The following ANO2 variants were observed in gnomAD, a reference collection of about 807,000 sequenced individuals.
ANO2 encodes the protein anoctamin 2.
A neutral mutation model predicts 124.2 loss-of-function variants in ANO2; 101 were observed. The observed-to-expected ratio is 0.81, with a 90% CI of 0.69 to 0.96. The LOEUF is 0.96. Ranked by LOEUF, ANO2 falls within the 40% of genes least tolerant of loss-of-function variation. The probability of loss-of-function intolerance (pLI) is 0.00; values close to 1 mark genes in which losing one functional copy is unlikely to be tolerated. For synonymous variants in ANO2, 486 were observed against 482.5 expected (o/e 1.01, Z -0.09); for missense variants, 1,293 against 1,274.5 (o/e 1.01, Z -0.22).
intron 15 of ANO2, among the ~76,000 whole-genome samples, chr12:5,642,480 T>C (rs952925696): frequency 6.6e-6 from 1 of 152,156 alleles, no homozygotes; most frequent in Non-Finnish European, 1.5e-5. Flanking sequence ...ATTCTTTCAG[T>C]CCACCTTCAA....
chr12:5,628,063 G>A (rs2136927492), intron 16 of ANO2, among the ~76,000 whole-genome samples: 1 of 152,306 alleles, frequency 6.6e-6, no homozygotes, highest in South Asian at 2.1e-4. Context: ...CCATGCCGCT[G>A]CACCCCAGTC....
In ANO2 at chr12:5,632,388, TG is replaced by T. The variant is rs1331561501; in HGVS notation, c.1816+2763del. Among the ~76,000 whole-genome samples the T allele has an allele frequency of 7.9e-5, 12 of 151,898 alleles. 1 individual carries two copies. Among genetic ancestry groups the T allele is most frequent in the Non-Finnish European group, 2.9e-5 (2 of 68,006 alleles). On this transcript the variant is annotated intron_variant, in intron 16 of 24. Coordinates refer to ENST00000682330, the MANE Select transcript of ANO2 (RefSeq NM_001364791.2). ...TAAAGTGAGCGTATAACACTGCCCT[TG>T]CTGGCCATGCAGTTTTTGTGAAGAT...
rs754783443 is a variant in ANO2 at position 5,922,788 on chromosome 12, A to G, written c.39T>C (p.Pro13=). 2.0e-6 allele frequency: 3 copies of G among 1,533,642 alleles called. No individual in the cohort carries two copies. The highest frequency in any genetic ancestry group is 2.6e-6 in the Non-Finnish European group (3 of 1,141,324). ...TPGPRDIPLL[P]GSPRRLSPQA... is the part of the protein sequence containing the mutation. ...GAGGGCTCAGCCGGCGTGGGGAGCC[A>G]GGGAGCAGGGGTATATCTGTGAGAG... Residue 13 remains proline (P), a synonymous_variant, in exon 2 of 25, where the codon CCT becomes CCC. Transcript: ENST00000682330.
chr12:5,628,687 T>C (rs1860956), intron 16 of ANO2, among the ~76,000 whole-genome samples: 84,322 of 145,818 alleles, frequency 0.58, 25,540 homozygotes, highest in Non-Finnish European at 0.67. Context: ...TGTGTGTGTG[T>C]GCGCGCGCGC....
At chr12:5,923,572 T>C (rs992993226) in intron 1 of ANO2, among the ~76,000 whole-genome samples, 1 of 152,162 alleles carries the variant, frequency 6.6e-6, no homozygotes, top group Non-Finnish European at 1.5e-5. Flanking sequence ...CAGTGTCCTT[T>C]CAGGGTCCTC....
At chr12:5,878,499 T>C (rs1048927969) in intron 3 of ANO2, among the ~76,000 whole-genome samples, 1 of 152,262 alleles carries the variant, frequency 6.6e-6, no homozygotes, top group African/African-American at 2.4e-5. Flanking sequence ...GATAAATTCA[T>C]TGATTCACTA....
chr12:5,814,813 T>A (rs1953551088), intron 7 of ANO2, among the ~76,000 whole-genome samples: 1 of 152,270 alleles, frequency 6.6e-6, no homozygotes, highest in South Asian at 2.1e-4. Context: ...ATCCATTTCC[T>A]AATTAAATTA....
intron 3 of ANO2, among the ~76,000 whole-genome samples, chr12:5,885,621 A>G (rs1394800474): frequency 2.0e-5 from 3 of 152,216 alleles, no homozygotes; most frequent in Non-Finnish European, 4.4e-5. Context: ...CAGAGTCAAG[A>G]TTTGAATCCA....
intron 14 of ANO2, among the ~76,000 whole-genome samples, chr12:5,693,516 C>A (rs755678128): frequency 6.6e-6 from 1 of 152,174 alleles, no homozygotes; most frequent in Non-Finnish European, 1.5e-5. Context: ...CCCGCCCCCA[C>A]GGTCTAGTCT....
rs868150690 is a variant in ANO2, at chr12:5,929,483, T to G, written c.23-6679A>C. Reference sequence around the variant, plus strand: ...GTCTTCCTTCCTTACTAGTCTATCTTCTTTCCTTACTCGTCTACCTTCTTT... The same window carrying G: ...GTCTTCCTTCCTTACTAGTCTATCTGCTTTCCTTACTCGTCTACCTTCTTT... On this transcript the variant is annotated intron_variant, in intron 1 of 24. Transcript: ENST00000682330. Among the ~76,000 whole-genome samples, 804 of 90,056 alleles carry G rather than the reference T, an allele frequency of 8.9e-3. 25 individuals carry two copies. Among genetic ancestry groups the G allele is most frequent in the African/African-American group, 0.036 (753 of 20,770 alleles). 59.1% of individuals were successfully genotyped at this position (90,056 alleles called of 152,430 possible).
intron 20 of ANO2, among the ~76,000 whole-genome samples, chr12:5,595,779 CA>C (rs1943630646): frequency 6.6e-6 from 1 of 152,168 alleles, no homozygotes; most frequent in Non-Finnish European, 1.5e-5. Context: ...CTAGAGGAAG[CA>C]CCGTGTAAAA....
chr12:5,626,147 G>T (rs1257970994), intron 16 of ANO2, among the ~76,000 whole-genome samples: 3 of 152,096 alleles, frequency 2.0e-5, no homozygotes, highest in African/African-American at 7.2e-5. Context: ...GCATCACTTG[G>T]GGTGGTGAGG....
At chr12:5,938,115 C>T (rs1027138196) in intron 1 of ANO2, among the ~76,000 whole-genome samples, 1 of 152,292 alleles carries the variant, frequency 6.6e-6, no homozygotes. Context: ...CACGAAGGGT[C>T]CCCAAAGAGC....
chr12:5,599,450 G>T (rs1943820869), intron 20 of ANO2, 34 bp downstream of exon 20: 2 of 1,574,692 alleles, frequency 1.3e-6, no homozygotes, highest in Non-Finnish European at 1.7e-6. Flanking sequence ...GTCTGAACCT[G>T]CCCCCAGTGG....
chr12:5,608,260 A>C (rs186787833), intron 19 of ANO2, among the ~76,000 whole-genome samples: 54 of 151,022 alleles, frequency 3.6e-4, no homozygotes, highest in African/African-American at 1.3e-3. Flanking sequence ...ATTTATTGAG[A>C]GTCGAAGATC....
intron 4 of ANO2, among the ~76,000 whole-genome samples, chr12:5,845,944 CAATT>C (rs951876743): frequency 3.3e-5 from 5 of 152,178 alleles, no homozygotes; most frequent in Admixed American, 1.3e-4. Flanking sequence ...ATTTAAAACT[CAATT>C]AATTTATTTA....
chr12:5,835,280 T>A (rs1377622000), intron 4 of ANO2, among the ~76,000 whole-genome samples: 1 of 152,296 alleles, frequency 6.6e-6, no homozygotes, highest in East Asian at 1.9e-4. Context: ...TGTGCAACAA[T>A]CTTCTGTTGC....
rs139799844 is a variant in ANO2 at position 5,850,638 on chromosome 12, C to G, written c.633+3405G>C. Among the ~76,000 whole-genome samples the G allele has an allele frequency of 5.9e-5, 9 of 152,282 alleles. No homozygotes were observed. In the East Asian group the frequency reaches 1.5e-3, roughly 26 times the overall value. Reference sequence around the variant, plus strand: ...GAATTGGTGCTGGGCTAATGAGTTACTACTTGACACAGTATCCCATCACTG... The same window carrying G: ...GAATTGGTGCTGGGCTAATGAGTTAGTACTTGACACAGTATCCCATCACTG... On this transcript the variant is annotated intron_variant, in intron 4 of 24. Transcript: ENST00000682330.
intron 20 of ANO2, among the ~76,000 whole-genome samples, chr12:5,597,337 A>G (rs1325070291): frequency 1.3e-5 from 2 of 152,164 alleles, no homozygotes; most frequent in Non-Finnish European, 2.9e-5. Flanking sequence ...CTTATAAGTG[A>G]AAACATCCAG....
Sources: gnomAD v4.1 joint callset for allele counts (sites outside exome capture counted in the v4.1 genomes callset) on GRCh38, gnomAD v4.1.1 for gene constraint, MANE v1.5 for transcripts, NCBI Gene and HGNC (gene_info 2026-07-23, HGNC 2026-07-21) for gene names.